The following NTM variants were observed in gnomAD, a reference collection of about 807,000 sequenced individuals.
NTM encodes the protein IgLON family member 2.
A neutral mutation model predicts 42.1 loss-of-function variants in NTM; 13 were observed. The ratio of observed to expected loss-of-function variants is 0.31; its 90% CI spans 0.20 to 0.49. The LOEUF (loss-of-function observed/expected upper bound fraction) is 0.49. NTM is among the 20% of genes least tolerant of loss of function. NTM has a pLI of 0.99. For missense variants in NTM, 373 were observed against 452.8 expected, an observed-to-expected ratio of 0.82 and a Z score of 1.60; for synonymous variants, 187 against 179.2, an observed-to-expected ratio of 1.04 and a Z score of -0.35.
At chr11:132,238,677 G>A (rs2089589225) in intron 4 of NTM, among the ~76,000 whole-genome samples, 1 of 152,154 alleles carries the variant, frequency 6.6e-6, no homozygotes, top group Non-Finnish European at 1.5e-5. Flanking sequence ...TAGGTGAAAC[G>A]CAGCTGGAGA....
chr11:131,546,550 C>T (rs1028697249), intron 1 of NTM: 3 of 152,232 alleles, frequency 2.0e-5, no homozygotes, highest in African/African-American at 7.2e-5. Context: ...CTGTGCTTAC[C>T]TTCCTGCACT....
In NTM at chr11:131,721,651, T is replaced by C. The variant is rs192220615; in HGVS notation, c.83-189913T>C. Among the ~76,000 whole-genome samples the C allele has an allele frequency of 1.7e-3, 264 of 152,260 alleles. 1 individual carries two copies. The highest frequency in any genetic ancestry group is 6.2e-3 in the African/African-American group (257 of 41,544). On this transcript the variant is annotated intron_variant, in intron 1 of 8. Coordinates refer to ENST00000683400, the MANE Select transcript of NTM (RefSeq NM_001352005.2). ...TAATCCTCACCTTCATCTCATGATC[T>C]GTACATTAAGGATTGTATTGCCAAT... is the stretch of plus-strand genomic sequence containing the variant.
intron 2 of NTM, among the ~76,000 whole-genome samples, chr11:132,074,907 A>G (rs939850464): frequency 2.0e-5 from 3 of 152,214 alleles, no homozygotes; most frequent in Non-Finnish European, 4.4e-5. Context: ...TATATGAATT[A>G]CCCTAATCTG....
At chr11:131,483,397 T>C (rs902402414) in intron 1 of NTM, among the ~76,000 whole-genome samples, 2 of 152,248 alleles carry the variant, frequency 1.3e-5, no homozygotes, top group Non-Finnish European at 2.9e-5. Flanking sequence ...CAAACCCATT[T>C]GTAAACGTGC....
At chr11:132,280,475 C>CTTTTTT (rs138697534) in intron 4 of NTM, among the ~76,000 whole-genome samples, 1 of 82,444 alleles carries the variant, frequency 1.2e-5, no homozygotes, top group Non-Finnish European at 2.2e-5. Flanking sequence ...ATACTCTCTT[C>CTTTTTT]TTTTTTTTTT....
chr11:131,521,383 C>CTTTTTTTTTTTTTTT lies in NTM; in HGVS notation c.82+150520_82+150534dup, dbSNP rs773233050. On this transcript the variant is annotated intron_variant, in intron 1 of 8. Coordinates refer to ENST00000683400, the MANE Select transcript of NTM (RefSeq NM_001352005.2). ...AATGCAGAAGAAGCAAGGTGCCAGTCTTTTTTTTTTTTTTTTTTTTTTTTT... is the reference window on the plus strand; with the variant it reads ...AATGCAGAAGAAGCAAGGTGCCAGTCTTTTTTTTTTTTTTTTTTTTTTTTTTTTTTTTTTTTTTTT... 6.6e-5 allele frequency among the ~76,000 whole-genome samples: 3 copies of CTTTTTTTTTTTTTTT among 45,720 alleles called. 1 individual carries two copies. Among genetic ancestry groups the CTTTTTTTTTTTTTTT allele is most frequent in the Non-Finnish European group, 1.2e-4 (3 of 25,550 alleles). The allele number at this position is 45,720 out of a possible 152,430, so 30.0% of individuals were successfully genotyped here.
At position 131,984,656 on chromosome 11, in the gene NTM, C is replaced by T. The variant is rs556022088; in HGVS notation, c.167+73008C>T. 8 of 152,288 alleles carry T rather than the reference C, an allele frequency of 5.3e-5. No homozygotes were observed. In the South Asian group the frequency reaches 1.2e-3, roughly 24 times the overall value. The allele number at this position is 152,288 out of a possible 1,614,324, so 9.4% of individuals were successfully genotyped here. On this transcript the variant is annotated intron_variant, in intron 2 of 8. Transcript: ENST00000683400. ...GTTGGGGTGTTTGGCAGTTGGTTTACAGTTCCAGGCTCTTTTAAAGGAAAA... is the reference window on the plus strand; with the variant it reads ...GTTGGGGTGTTTGGCAGTTGGTTTATAGTTCCAGGCTCTTTTAAAGGAAAA...
chr11:131,615,692 G>C (rs933439728), intron 1 of NTM, among the ~76,000 whole-genome samples: 6 of 152,172 alleles, frequency 3.9e-5, no homozygotes, highest in Non-Finnish European at 7.3e-5. Context: ...TAATGAACAG[G>C]GGCCTCTGTT....
intron 5 of NTM, 64 bp from the exon 6 acceptor site, chr11:132,310,048 C>T (rs2095232896): frequency 1.3e-6 from 2 of 1,491,604 alleles, no homozygotes; most frequent in African/African-American, 3.1e-5. Context: ...AAGAGCAAGA[C>T]TCCATCTCAA....
chr11:131,533,278 C>T (rs764219530), intron 1 of NTM, among the ~76,000 whole-genome samples: 25 of 152,162 alleles, frequency 1.6e-4, no homozygotes, highest in Non-Finnish European at 3.2e-4. Context: ...GGATTAGAAA[C>T]ACATTATCCT....
At chr11:131,772,226 C>A (rs752740335) in intron 1 of NTM, among the ~76,000 whole-genome samples, 1 of 152,156 alleles carries the variant, frequency 6.6e-6, no homozygotes, top group Non-Finnish European at 1.5e-5. Context: ...ATATAACACA[C>A]GTTCATTGTT....
At chr11:132,084,804 A>G (rs574189631) in intron 2 of NTM, among the ~76,000 whole-genome samples, 1 of 152,288 alleles carries the variant, frequency 6.6e-6, no homozygotes, top group South Asian at 2.1e-4. Flanking sequence ...TTACTATTAC[A>G]TGAAAATCTT....
In NTM at chr11:131,598,743, CTTTCTTTCTTTCTTCTTTCTTTT is replaced by C. The variant is rs1565685486; in HGVS notation, c.82+227870_82+227892del. ...TCTTTCTTTCTTTCTTTCTTTCTTTCTTTCTTTCTTTCTTCTTTCTTTTTTTCTTTCTTTCTTTCTTCTTTCTT... is the reference window on the plus strand; with the variant it reads ...TCTTTCTTTCTTTCTTTCTTTCTTTCTTTCTTTCTTTCTTTCTTCTTTCTT... On this transcript the variant is annotated intron_variant, in intron 1 of 8. Transcript: ENST00000683400. Among the ~76,000 whole-genome samples the C allele has an allele frequency of 1.7e-3, 141 of 81,984 alleles. 12 individuals are homozygous for C. The highest frequency in any genetic ancestry group is 2.3e-3 in the Non-Finnish European group (86 of 37,130). 53.8% of individuals were successfully genotyped at this position (81,984 alleles called of 152,430 possible).
chr11:132,113,111 G>A (rs747490957), intron 2 of NTM, among the ~76,000 whole-genome samples: 10 of 152,062 alleles, frequency 6.6e-5, no homozygotes, highest in Non-Finnish European at 1.3e-4. Context: ...TTATTTTTCC[G>A]TACATGCATA....
intron 2 of NTM, among the ~76,000 whole-genome samples, chr11:132,095,965 A>C (rs993460178): frequency 6.6e-6 from 1 of 152,118 alleles, no homozygotes; most frequent in South Asian, 2.1e-4. Flanking sequence ...CTACTGCCCT[A>C]ACTGCTGCAG....
At chr11:131,650,720 T>C (rs1045719771) in intron 1 of NTM, among the ~76,000 whole-genome samples, 1 of 151,934 alleles carries the variant, frequency 6.6e-6, no homozygotes, top group South Asian at 2.1e-4. Context: ...TACTATGCCC[T>C]CCCCAGAGGA....
At chr11:131,871,007 A>G (rs910478114) in intron 1 of NTM, among the ~76,000 whole-genome samples, 1 of 152,190 alleles carries the variant, frequency 6.6e-6, no homozygotes, top group African/African-American at 2.4e-5. Flanking sequence ...AAGCTGCCAT[A>G]CAGAAGGAAC....
chr11:132,262,019 C>T (rs866871984), intron 4 of NTM, among the ~76,000 whole-genome samples: 9 of 152,208 alleles, frequency 5.9e-5, no homozygotes, highest in Non-Finnish European at 1.0e-4. Context: ...ACTCTAAGCC[C>T]ATCCCAGCCA....
intron 1 of NTM, among the ~76,000 whole-genome samples, chr11:131,555,940 G>C (rs116689462): frequency 0.018 from 2,730 of 152,272 alleles, 90 homozygotes; most frequent in African/African-American, 0.062. Context: ...AAATGTTCCA[G>C]ATGCCAACGG....
Sources: gnomAD v4.1 joint callset for allele counts (sites outside exome capture counted in the v4.1 genomes callset) on GRCh38, gnomAD v4.1.1 for gene constraint, MANE v1.5 for transcripts, NCBI Gene and HGNC (gene_info 2026-07-23, HGNC 2026-07-21) for gene names.